PPP1R12B: variants seen among roughly 807,000 people sequenced by gnomAD.
PPP1R12B encodes protein phosphatase 1 regulatory subunit 12B.
Under a neutral mutation model 126.1 loss-of-function variants are expected in PPP1R12B, and 76 were observed. That is an observed-to-expected ratio of 0.60 (90% CI 0.50 to 0.73). The LOEUF is 0.73. Ranked by LOEUF, PPP1R12B falls within the 30% of genes least tolerant of loss-of-function variation. The pLI is 0.00. For synonymous variants in PPP1R12B, 356 were observed against 434.7 expected (o/e 0.82, Z 2.25); for missense variants, 1,052 against 1,205.1 (o/e 0.87, Z 1.88).
intron 13 of PPP1R12B, among the ~76,000 whole-genome samples, chr1:202,459,457 A>G (rs1572126117): frequency 6.6e-6 from 1 of 152,236 alleles, no homozygotes; most frequent in Non-Finnish European, 1.5e-5. Flanking sequence ...ATGGTTTTGC[A>G]TACACAGTAC....
intron 8 of PPP1R12B, among the ~76,000 whole-genome samples, chr1:202,432,560 C>T (rs1670321658): frequency 6.6e-6 from 1 of 152,170 alleles, no homozygotes; most frequent in African/African-American, 2.4e-5. Context: ...AGCCACTGCA[C>T]CTGGCCCTAG....
chr1:202,427,692 T>C (rs1365232853), intron 5 of PPP1R12B, among the ~76,000 whole-genome samples: 2 of 152,200 alleles, frequency 1.3e-5, no homozygotes. Flanking sequence ...TTGCCCAGGC[T>C]GGAGTGCAGT....
At chr1:202,360,099 TGTG>T (rs1292288375) in intron 1 of PPP1R12B, among the ~76,000 whole-genome samples, 10 of 152,232 alleles carry the variant, frequency 6.6e-5, no homozygotes, top group African/African-American at 2.4e-4. Context: ...ACTGCTTGCT[TGTG>T]GTGTTAAGGT....
Position 202,590,802 on chromosome 1 carries a change from C to T in PPP1R12B, c.*10242C>T, listed in dbSNP as rs1298632312. 7 of 152,010 alleles carry T rather than the reference C, an allele frequency of 4.6e-5. No homozygotes were observed. The highest frequency in any genetic ancestry group is 1.3e-4 in the Admixed American group (2 of 15,258). The allele number at this position is 152,010 out of a possible 1,614,324, so 9.4% of individuals were successfully genotyped here. ...AGGGCTCCTGGTGGGCTGACCTTGG[C>T]GAAGCTAGGCTCTGCCAGGCCCTGA... On this transcript the variant is annotated 3_prime_UTR_variant, in exon 24 of 24. Transcript: ENST00000608999.
intron 18 of PPP1R12B, among the ~76,000 whole-genome samples, chr1:202,533,490 TG>T (rs1684210378): frequency 6.6e-6 from 1 of 152,128 alleles, no homozygotes; most frequent in Non-Finnish European, 1.5e-5. Context: ...TGTTTTGTTT[TG>T]TTTTTTTGGT....
At chr1:202,566,753 G>A (rs1289138349) in intron 21 of PPP1R12B, among the ~76,000 whole-genome samples, 2 of 152,094 alleles carry the variant, frequency 1.3e-5, no homozygotes, top group African/African-American at 2.4e-5. Context: ...TGAAAGCCCA[G>A]GACAGGAGCC....
chr1:202,413,863 G>C (rs1171859268), intron 1 of PPP1R12B, among the ~76,000 whole-genome samples: 1 of 152,006 alleles, frequency 6.6e-6, no homozygotes, highest in Non-Finnish European at 1.5e-5. Flanking sequence ...CATTTTAATA[G>C]TCTGTTCAGA....
At chr1:202,436,419 A>G (rs1385027000) in intron 9 of PPP1R12B, among the ~76,000 whole-genome samples, 1 of 152,040 alleles carries the variant, frequency 6.6e-6, no homozygotes, top group Non-Finnish European at 1.5e-5. Context: ...GTAAATGTGT[A>G]CATTCAGATG....
chr1:202,570,809 C>T (rs915527742), intron 23 of PPP1R12B, among the ~76,000 whole-genome samples: 40 of 152,168 alleles, frequency 2.6e-4, no homozygotes, highest in African/African-American at 8.2e-4. Flanking sequence ...AGGCACGTGC[C>T]GCCACACCCA....
chr1:202,366,288 G>A (rs988592181), intron 1 of PPP1R12B, among the ~76,000 whole-genome samples: 3 of 152,266 alleles, frequency 2.0e-5, no homozygotes, highest in East Asian at 1.9e-4. Flanking sequence ...GGAGGCTGAG[G>A]CGGGCAGATC....
chr1:202,379,612 A>T (rs1661889474), intron 1 of PPP1R12B, among the ~76,000 whole-genome samples: 1 of 152,192 alleles, frequency 6.6e-6, no homozygotes, highest in Non-Finnish European at 1.5e-5. Flanking sequence ...AGGTATTTTT[A>T]AAATTCTTGT....
intron 18 of PPP1R12B, among the ~76,000 whole-genome samples, chr1:202,535,513 T>TA (rs1303601884): frequency 6.6e-6 from 1 of 152,214 alleles, no homozygotes; most frequent in Non-Finnish European, 1.5e-5. Context: ...ATGTCCCATC[T>TA]AAAAAACTAA....
intron 1 of PPP1R12B, among the ~76,000 whole-genome samples, chr1:202,354,826 G>GT (rs1284756890): frequency 3.3e-5 from 4 of 122,552 alleles, no homozygotes; most frequent in African/African-American, 6.4e-5. Context: ...TGTTTTTTTT[G>GT]TTGTTGTTTT....
intron 13 of PPP1R12B, among the ~76,000 whole-genome samples, chr1:202,473,375 C>T (rs1309656185): frequency 6.6e-6 from 1 of 152,208 alleles, no homozygotes; most frequent in Non-Finnish European, 1.5e-5. Flanking sequence ...TCCTGCATTT[C>T]TGTGTGTCAG....
intron 1 of PPP1R12B, among the ~76,000 whole-genome samples, chr1:202,360,227 G>C (rs1657913333): frequency 6.6e-6 from 1 of 152,142 alleles, no homozygotes; most frequent in African/African-American, 2.4e-5. Context: ...TCCATGAGAA[G>C]GCAAATAATG....
chr1:202,456,851 T>C (rs760020905), intron 13 of PPP1R12B, among the ~76,000 whole-genome samples: 1 of 152,108 alleles, frequency 6.6e-6, no homozygotes, highest in Admixed American at 6.5e-5. Context: ...ACATCTGCAA[T>C]CCAGAGTAAA....
At chr1:202,503,282 G>A (rs1437099833) in intron 18 of PPP1R12B, among the ~76,000 whole-genome samples, 4 of 152,218 alleles carry the variant, frequency 2.6e-5, no homozygotes, top group African/African-American at 2.4e-5. Context: ...TTGACACTAA[G>A]ACTTTTTAGC....
chr1:202,513,754 A>C (rs370624052), intron 18 of PPP1R12B, among the ~76,000 whole-genome samples: 1 of 152,172 alleles, frequency 6.6e-6, no homozygotes, highest in South Asian at 2.1e-4. Flanking sequence ...CAAAAGGAGC[A>C]TGTTTCCCAG....
chr1:202,530,137 AT>A lies in PPP1R12B; in HGVS notation c.2491-28729del, dbSNP rs543216135. Among the ~76,000 whole-genome samples the A allele has an allele frequency of 8.3e-3, 1,221 of 147,790 alleles. 9 individuals are homozygous for A. The highest frequency in any genetic ancestry group is 0.012 in the Non-Finnish European group (788 of 66,584). ...GTTAGTGCTTCTGATCAGTTCAAGC[AT>A]TTTTTTTTTTCTCATCAAGGTGCTG... is the stretch of plus-strand genomic sequence containing the variant. On this transcript the variant is annotated intron_variant, in intron 18 of 23. Transcript: ENST00000608999.
Sources: gnomAD v4.1 joint callset for allele counts (sites outside exome capture counted in the v4.1 genomes callset) on GRCh38, gnomAD v4.1.1 for gene constraint, MANE v1.5 for transcripts, NCBI Gene and HGNC (gene_info 2026-07-23, HGNC 2026-07-21) for gene names.